Variants in MIDEAS observed in about 807,000 individuals in gnomAD.
MIDEAS encodes mitotic deacetylase-associated SANT domain protein.
In MIDEAS, 26 loss-of-function variants were observed where a neutral mutation model predicts 102.7. The observed-to-expected ratio is 0.25, with a 90% CI of 0.19 to 0.35. The LOEUF is 0.35. Ranked by LOEUF, MIDEAS falls within the 10% of genes least tolerant of loss-of-function variation. The pLI is 1.00. For missense variants in MIDEAS, 1,231 were observed against 1,435.6 expected (o/e 0.86, Z 2.30); for synonymous variants, 585 against 591.0 (o/e 0.99, Z 0.15).
chr14:73,761,103 CGGTGGTGGCGGT>C (rs2053550913), upstream of MIDEAS, among the ~76,000 whole-genome samples: 1 of 151,782 alleles, frequency 6.6e-6, no homozygotes, highest in Non-Finnish European at 1.5e-5. Context: ...GTGGCGGCGG[CGGTGGTGGCGGT>C]GGCTGTTTTT....
At chr14:73,782,676 G>T (rs1032954978) in intron 1 of MIDEAS, among the ~76,000 whole-genome samples, 26 of 152,192 alleles carry the variant, frequency 1.7e-4, no homozygotes, top group Non-Finnish European at 2.5e-4. Flanking sequence ...CCTTCTATCA[G>T]ATTGGTTCCT....
intron 3 of MIDEAS, among the ~76,000 whole-genome samples, chr14:73,732,811 C>T (rs1298232109): frequency 7.5e-5 from 6 of 80,478 alleles, no homozygotes; most frequent in African/African-American, 1.9e-4. Context: ...AAAAAAAAGG[C>T]TGGGTGCAGT....
chr14:73,781,894 T>C, intron 1 of MIDEAS, among the ~76,000 whole-genome samples: 1 of 152,038 alleles, frequency 6.6e-6, no homozygotes, highest in East Asian at 1.9e-4. Flanking sequence ...TTGTCTTTAC[T>C]AAAAACACAA....
chr14:73,732,232 C>T (rs1435708378), intron 3 of MIDEAS, among the ~76,000 whole-genome samples: 1 of 152,210 alleles, frequency 6.6e-6, no homozygotes, highest in Non-Finnish European at 1.5e-5. Context: ...TAGAGGCATG[C>T]AGGCCAACTC....
chr14:73,756,711 A>G (rs1277180243), intron 1 of MIDEAS, among the ~76,000 whole-genome samples: 1 of 152,174 alleles, frequency 6.6e-6, no homozygotes, highest in South Asian at 2.1e-4. Flanking sequence ...TGCCCAGGCT[A>G]GCAGATCCCT....
intron 3 of MIDEAS, among the ~76,000 whole-genome samples, chr14:73,733,438 A>T (rs1273934726): frequency 6.6e-6 from 1 of 151,688 alleles, no homozygotes; most frequent in Non-Finnish European, 1.5e-5. Context: ...AAGTACAAAA[A>T]AATTAGCTGG....
chr14:73,730,507 G>T (rs1262144233), intron 3 of MIDEAS, among the ~76,000 whole-genome samples: 1 of 152,170 alleles, frequency 6.6e-6, no homozygotes, highest in Non-Finnish European at 1.5e-5. Context: ...CCTACTTCAT[G>T]GGGTAACCAT....
chr14:73,735,198 C>T (rs1429657551), intron 3 of MIDEAS, among the ~76,000 whole-genome samples: 1 of 152,048 alleles, frequency 6.6e-6, no homozygotes. Flanking sequence ...AACATGATGA[C>T]TATCATTAGT....
At chr14:73,787,245 G>T (rs2053823456) in exon 1 of MIDEAS, 1 of 148,846 alleles carries the variant, frequency 6.7e-6, no homozygotes, top group African/African-American at 2.4e-5. Context: ...GTGCGGCCCG[G>T]GCTGTGACCC....
chr14:73,787,363 T>C (rs1282463115), upstream of MIDEAS: 2 of 151,452 alleles, frequency 1.3e-5, no homozygotes, highest in African/African-American at 4.8e-5. Context: ...CTGCGCGCCC[T>C]CGGCTGCGGG....
rs60635070 is a variant in MIDEAS, at chr14:73,721,461, T to G, written c.2773A>C (p.Ser925Arg). 6.2e-7 allele frequency: 1 copy of G among 1,614,076 alleles called. No individual in the cohort carries two copies. The highest frequency in any genetic ancestry group is 2.2e-5 in the East Asian group (1 of 44,876). The stretch of plus-strand genomic sequence containing the variant: ...CTCTTGGGCTCCAGCCTCTCTTCAC[T>G]TGGGGACTCTCTTCTGGGAAGAGGC... ...RVPLPRRESP[S>R]EERLEPKREV... The change falls in exon 11 of 13, where the codon AGT becomes CGT. Residue 925 changes from serine to arginine, a missense_variant. By Grantham distance (110) the Ser-to-Arg change is moderately radical. Around this residue, in one of 5 missense-constraint regions of MIDEAS, gnomAD observed 391 missense variants for 483.0 expected, o/e 0.81. Coordinates refer to ENST00000423556, the MANE Select transcript of MIDEAS (RefSeq NM_001367710.1).
At chr14:73,721,191 TATG>T in intron 11 of MIDEAS, 103 bp downstream of exon 11, 2 of 1,053,768 alleles carry the variant, frequency 1.9e-6, no homozygotes, top group South Asian at 2.7e-5. Context: ...TTCCTGCTAT[TATG>T]ATTATAATGA....
In MIDEAS at chr14:73,725,939, C is replaced by A; in HGVS notation, c.2485+94G>T. 9.0e-7 allele frequency: 1 copy of A among 1,116,672 alleles called. No individual in the cohort carries two copies. The highest frequency in any genetic ancestry group is 1.3e-6 in the Non-Finnish European group (1 of 756,246). The allele number at this position is 1,116,672 out of a possible 1,614,324, so 69.2% of individuals were successfully genotyped here. On this transcript the variant is annotated intron_variant, in intron 8 of 12. Transcript: ENST00000423556. The surrounding 1 kb of genome is among the most constrained non-coding windows in gnomAD (Gnocchi z 4.1). ...TTATCTACCCTCCTCCTCCCGCCCC[C>A]ACCCAGGGCTGTGACTCAGCACTGA...
chr14:73,735,190 C>T (rs1368631026), intron 3 of MIDEAS, among the ~76,000 whole-genome samples: 3 of 152,224 alleles, frequency 2.0e-5, no homozygotes, highest in Non-Finnish European at 4.4e-5. Flanking sequence ...TATTGTATAA[C>T]ATGATGACTA....
chr14:73,747,465 T>C (rs1171179015), intron 1 of MIDEAS, among the ~76,000 whole-genome samples: 3 of 152,178 alleles, frequency 2.0e-5, no homozygotes, highest in Non-Finnish European at 4.4e-5. Flanking sequence ...TAACCACTTA[T>C]TTCCAACTGA....
intron 1 of MIDEAS, among the ~76,000 whole-genome samples, chr14:73,782,476 T>C (rs8007973): frequency 0.75 from 114,277 of 152,086 alleles, 43,587 homozygotes; most frequent in East Asian, 0.91. Flanking sequence ...TACAGGCACG[T>C]GCCACCGTGC....
At chr14:73,757,706 C>T (rs531220867) in intron 1 of MIDEAS, among the ~76,000 whole-genome samples, 167 of 152,308 alleles carry the variant, frequency 1.1e-3, no homozygotes, top group Middle Eastern at 3.4e-3. Flanking sequence ...CCCTTCCCCT[C>T]TTCTGTCAGA....
At chr14:73,753,608 A>T (rs560751523) in intron 1 of MIDEAS, among the ~76,000 whole-genome samples, 15 of 152,340 alleles carry the variant, frequency 9.8e-5, no homozygotes, top group South Asian at 4.1e-4. Flanking sequence ...TGGCTCAGAC[A>T]TCGTTATCAG....
At chr14:73,719,193 G>A (rs1281336915) in intron 12 of MIDEAS, 112 bp downstream of exon 12, 3 of 1,501,550 alleles carry the variant, frequency 2.0e-6, no homozygotes, top group South Asian at 1.3e-5. Context: ...GAGCCAACCA[G>A]AAACGAGGCG....
Sources: gnomAD v4.1 joint callset for allele counts (sites outside exome capture counted in the v4.1 genomes callset) on GRCh38, gnomAD v4.1.1 for gene constraint, gnomAD v4.1.1 regional missense constraint, Gnocchi (gnomAD v3.1) non-coding constraint, MANE v1.5 for transcripts, NCBI Gene and HGNC (gene_info 2026-07-23, HGNC 2026-07-21) for gene names.